Variants in LTBP1 observed in about 807,000 individuals in gnomAD.
The protein encoded by LTBP1 is latent transforming growth factor beta binding protein 1.
LTBP1 carries 129 observed loss-of-function variants against 207.6 expected under a neutral mutation model. The observed-to-expected ratio is 0.62, with a 90% confidence interval of 0.54 to 0.72. The LOEUF is 0.72. Ranked by LOEUF, LTBP1 falls within the 30% of genes least tolerant of loss-of-function variation. The pLI, the probability that LTBP1 is intolerant of heterozygous loss-of-function variation, is 0.00. For synonymous variants in LTBP1, 963 were observed against 833.7 expected, an observed-to-expected ratio of 1.16 and a Z score of -2.67; for missense variants, 2,281 against 2,217.2, an observed-to-expected ratio of 1.03 and a Z score of -0.58.
At chr2:33,231,233 T>C (rs1445327272) in intron 9 of LTBP1, among the ~76,000 whole-genome samples, 1 of 152,234 alleles carries the variant, frequency 6.6e-6, no homozygotes, top group Non-Finnish European at 1.5e-5. Flanking sequence ...AGGAAAGAGC[T>C]AGCCACATAA....
At chr2:33,088,868 G>C (rs4952339) in intron 3 of LTBP1, among the ~76,000 whole-genome samples, 1 of 151,874 alleles carries the variant, frequency 6.6e-6, no homozygotes, top group African/African-American at 2.4e-5. Context: ...TTGAAAATGC[G>C]TGACAGGCTG....
chr2:33,093,549 A>C (rs1231798787), intron 3 of LTBP1, among the ~76,000 whole-genome samples: 1 of 152,094 alleles, frequency 6.6e-6, no homozygotes, highest in Non-Finnish European at 1.5e-5. Flanking sequence ...CGCATTTGCC[A>C]GTGTAAATGT....
chr2:33,313,760 G>C (rs918722272), intron 23 of LTBP1, among the ~76,000 whole-genome samples: 1 of 152,100 alleles, frequency 6.6e-6, no homozygotes, highest in African/African-American at 2.4e-5. Flanking sequence ...ATTTTGTGGT[G>C]GACAAACATT....
chr2:33,207,195 G>A (rs1429457382), intron 7 of LTBP1, among the ~76,000 whole-genome samples: 1 of 152,132 alleles, frequency 6.6e-6, no homozygotes, highest in Admixed American at 6.5e-5. Context: ...ATGCTTAAGA[G>A]GGTTTTTTTT....
chr2:33,188,006 A>G lies in LTBP1; in HGVS notation c.1427-571A>G, dbSNP rs572505913. On this transcript the variant is annotated intron_variant, in intron 6 of 33. Transcript: ENST00000404816. ...GAATTTCACAGCTTTATGACTTTGGAAAAGAATATTTTAGTCTCATGAATG... is the reference window on the plus strand; with the variant it reads ...GAATTTCACAGCTTTATGACTTTGGGAAAGAATATTTTAGTCTCATGAATG... 5.3e-5 allele frequency among the ~76,000 whole-genome samples: 8 copies of G among 152,342 alleles called. No homozygotes were observed. The South Asian group carries it at 1.7e-3, about 32-fold the overall frequency.
At chr2:33,120,642 A>G (rs1214881582) in intron 4 of LTBP1, among the ~76,000 whole-genome samples, 3 of 152,192 alleles carry the variant, frequency 2.0e-5, no homozygotes, top group Non-Finnish European at 2.9e-5. Flanking sequence ...TAGTGCTGCA[A>G]TGAACATTCA....
rs570155702 is a variant in LTBP1, at chr2:33,121,045, C to A, written c.1033+10294C>A. The stretch of plus-strand genomic sequence containing the variant: ...TGGAGCTAACTTTGGTGATTATCAT[C>A]GTTATTTCTCATTAGATCCACTTTC... On this transcript the variant is annotated intron_variant, in intron 4 of 33. Transcript: ENST00000404816. Among the ~76,000 whole-genome samples the A allele has an allele frequency of 1.4e-3, 213 of 151,292 alleles. 1 individual carries two copies. The highest frequency in any genetic ancestry group is 4.9e-3 in the African/African-American group (204 of 41,252).
chr2:33,124,136 C>T (rs915505085), intron 4 of LTBP1, among the ~76,000 whole-genome samples: 3 of 152,184 alleles, frequency 2.0e-5, no homozygotes, highest in African/African-American at 7.2e-5. Flanking sequence ...CGGCCAGGTA[C>T]GGTGGCTCAC....
intron 31 of LTBP1, among the ~76,000 whole-genome samples, chr2:33,374,250 A>C (rs764591196): frequency 1.1e-4 from 17 of 152,208 alleles, no homozygotes; most frequent in Non-Finnish European, 2.2e-4. Flanking sequence ...TGAAACAATG[A>C]GTGGTCACTG....
intron 5 of LTBP1, among the ~76,000 whole-genome samples, chr2:33,167,727 G>C (rs1353864033): frequency 6.6e-6 from 1 of 152,198 alleles, no homozygotes; most frequent in African/African-American, 2.4e-5. Context: ...GTGTATGGAG[G>C]AATGTGCAGT....
intron 31 of LTBP1, among the ~76,000 whole-genome samples, chr2:33,366,819 A>C (rs1260632037): frequency 6.6e-6 from 1 of 152,216 alleles, no homozygotes; most frequent in Non-Finnish European, 1.5e-5. Flanking sequence ...GATAAAAGTG[A>C]AATCACTAAG....
chr2:33,139,458 C>A (rs915339172), intron 5 of LTBP1, among the ~76,000 whole-genome samples: 2 of 152,102 alleles, frequency 1.3e-5, no homozygotes, highest in African/African-American at 4.8e-5. Context: ...ATGTAAATAA[C>A]CCTAAATTAA....
chr2:33,251,291 C>T (rs2092676986), intron 10 of LTBP1, among the ~76,000 whole-genome samples: 1 of 152,090 alleles, frequency 6.6e-6, no homozygotes, highest in Non-Finnish European at 1.5e-5. Flanking sequence ...CTGCATGTGG[C>T]CAGAATCAAA....
At chr2:33,347,656 T>C (rs567794978) in intron 26 of LTBP1, 146 bp downstream of exon 26, 53 of 941,632 alleles carry the variant, frequency 5.6e-5, no homozygotes, top group Middle Eastern at 6.8e-4. Context: ...TCCATGATCT[T>C]CTGTGCCTGC....
intron 13 of LTBP1, among the ~76,000 whole-genome samples, chr2:33,260,302 G>A (rs1382892717): frequency 6.6e-6 from 1 of 152,112 alleles, no homozygotes; most frequent in East Asian, 1.9e-4. Context: ...TTATGTCAGA[G>A]AACTACTATG....
At chr2:32,998,577 A>T (rs1573007203) in intron 2 of LTBP1, among the ~76,000 whole-genome samples, 1 of 151,922 alleles carries the variant, frequency 6.6e-6, no homozygotes, top group Non-Finnish European at 1.5e-5. Context: ...TTGTGTTGCA[A>T]AAAACATATA....
intron 5 of LTBP1, among the ~76,000 whole-genome samples, chr2:33,172,918 A>G (rs1269492745): frequency 7.9e-5 from 12 of 152,198 alleles, no homozygotes; most frequent in South Asian, 4.2e-4. Flanking sequence ...GGTACATAAC[A>G]AAATGAAGGC....
At chr2:32,952,306 AT>A (rs1677256991) in intron 2 of LTBP1, among the ~76,000 whole-genome samples, 1 of 152,214 alleles carries the variant, frequency 6.6e-6, no homozygotes, top group Non-Finnish European at 1.5e-5. Flanking sequence ...CAAAGAATGG[AT>A]ATGTGCACTC....
intron 11 of LTBP1, among the ~76,000 whole-genome samples, chr2:33,253,249 A>G (rs2092733043): frequency 6.6e-6 from 1 of 152,114 alleles, no homozygotes; most frequent in Admixed American, 6.6e-5. Flanking sequence ...TTTATTGAGT[A>G]TCGTGCTTAA....
Sources: gnomAD v4.1 joint callset for allele counts (sites outside exome capture counted in the v4.1 genomes callset) on GRCh38, gnomAD v4.1.1 for gene constraint, MANE v1.5 for transcripts, NCBI Gene and HGNC (gene_info 2026-07-23, HGNC 2026-07-21) for gene names.